The following SOX9 variants were observed in gnomAD, a reference collection of about 807,000 sequenced individuals.
The protein encoded by SOX9 is SRY-box transcription factor 9.
In SOX9, 2 loss-of-function variants were observed where a neutral mutation model predicts 44.8. The ratio of observed to expected loss-of-function variants is 0.04; its 90% confidence interval spans 0.02 to 0.14. The LOEUF is 0.14. Among genes scored for constraint, SOX9 ranks in the 10% least tolerant of loss-of-function variants. The pLI, the probability that SOX9 is intolerant of heterozygous loss-of-function variation, is 1.00. For synonymous variants in SOX9, 381 were observed against 331.8 expected, an observed-to-expected ratio of 1.15 and a Z score of -1.61; for missense variants, 583 against 728.6, an observed-to-expected ratio of 0.80 and a Z score of 2.30.
rs2143257468 is a variant in SOX9, at chr17:72,124,241, C to T, written c.1384C>T (p.Leu462Phe). Residue 462 changes from leucine (L) to phenylalanine (F), a missense_variant, in exon 3 of 3, where the codon CTC becomes TTC. Physicochemically the swap from Leu to Phe is conservative, Grantham distance 22 (BLOSUM62 0). Transcript: ENST00000245479. This position sits in a 1 kb window ranked among gnomAD's most constrained non-coding sequence, Gnocchi z 4.6. ...CCACGCGGCAGGCCAGGGCACCGGC[C>T]TCTACTCCACCTTCACCTACATGAA... is the stretch of plus-strand genomic sequence containing the variant. ...YSHAAGQGTG[L>F]YSTFTYMNPA... 10 of 1,613,756 alleles carry T rather than the reference C, an allele frequency of 6.2e-6. No individual in the cohort carries two copies. The highest frequency in any genetic ancestry group is 8.5e-6 in the Non-Finnish European group (10 of 1,180,016).
rs2143260257 is a variant in SOX9, at chr17:72,124,485, T to C, written c.*98T>C. 11 of 1,444,738 alleles carry C rather than the reference T, an allele frequency of 7.6e-6. No individual in the cohort carries two copies. The highest frequency in any genetic ancestry group is 3.4e-5 in the South Asian group (3 of 87,024). The allele number at this position is 1,444,738 out of a possible 1,614,324, so 89.5% of individuals were successfully genotyped here. On this transcript the variant is annotated 3_prime_UTR_variant, in exon 3 of 3. Coordinates refer to ENST00000245479, the MANE Select transcript of SOX9 (RefSeq NM_000346.4). This position sits in a 1 kb window ranked among gnomAD's most constrained non-coding sequence, Gnocchi z 4.6. ...GAATTCCCTTTGGACATTTGTGTTT[T>C]TTTGTTTTTTTATTTTGTTTTGTTT...
In SOX9 at chr17:72,122,815, G is replaced by T. The variant is rs753404357; in HGVS notation, c.528G>T (p.Pro176=). ...ACCACCCGGATTACAAGTACCAGCC[G>T]CGGCGGAGGAAGTCGGTGAAGAACG... ...KKDHPDYKYQ[P]RRRKSVKNGQ... The change falls in exon 2 of 3, where the codon CCG becomes CCT. Residue 176 remains proline, a synonymous_variant. Transcript: ENST00000245479. The T allele has an allele frequency of 6.2e-7, 1 of 1,614,064 alleles. No individual in the cohort carries two copies. Among genetic ancestry groups the T allele is most frequent in the Non-Finnish European group, 8.5e-7 (1 of 1,180,036 alleles).
chr17:72,124,488 T>G lies in SOX9; in HGVS notation c.*101T>G, dbSNP rs1167807166. 2 of 1,437,896 alleles carry G rather than the reference T, an allele frequency of 1.4e-6. No homozygotes were observed. The highest frequency in any genetic ancestry group is 1.9e-6 in the Non-Finnish European group (2 of 1,039,188). The allele number at this position is 1,437,896 out of a possible 1,614,324, so 89.1% of individuals were successfully genotyped here. On this transcript the variant is annotated 3_prime_UTR_variant, in exon 3 of 3. Transcript: ENST00000245479. This position sits in a 1 kb window ranked among gnomAD's most constrained non-coding sequence, Gnocchi z 4.6. ...TTCCCTTTGGACATTTGTGTTTTTTTGTTTTTTTATTTTGTTTTGTTTTTT... is the reference window on the plus strand; with the variant it reads ...TTCCCTTTGGACATTTGTGTTTTTTGGTTTTTTTATTTTGTTTTGTTTTTT...
rs1908248308 is a variant in SOX9, at chr17:72,125,282, T to A, written c.*895T>A. ...AAACATTTGCACTCTTTTAGTGCAT[T>A]TCCTCCTGCCTTTGCTTGTTCACTG... is the stretch of plus-strand genomic sequence containing the variant. On this transcript the variant is annotated 3_prime_UTR_variant, in exon 3 of 3. Transcript: ENST00000245479. 1 of 228,494 alleles carries A rather than the reference T, an allele frequency of 4.4e-6. No individual in the cohort carries two copies. The highest frequency in any genetic ancestry group is 8.7e-6 in the Non-Finnish European group (1 of 114,948). 14.2% of individuals were successfully genotyped at this position (228,494 alleles called of 1,614,324 possible).
rs763744617 is a variant in SOX9 at position 72,124,111 on chromosome 17, C to G, written c.1254C>G (p.Ile418Met). The G allele has an allele frequency of 2.4e-5, 38 of 1,613,814 alleles. No homozygotes were observed. The highest frequency in any genetic ancestry group is 3.1e-5 in the Non-Finnish European group (36 of 1,179,990). Residue 418 changes from isoleucine to methionine, a missense_variant, in exon 3 of 3, where the codon ATC (isoleucine) becomes ATG (methionine). Transcript: ENST00000245479. The surrounding 1 kb of genome is among the most constrained non-coding windows in gnomAD (Gnocchi z 4.6). ...AGCAGCAGCACTCGCCCCAACAGAT[C>G]GCCTACAGCCCCTTCAACCTCCCAC... ...SEQQQHSPQQ[I>M]AYSPFNLPHY...
rs1003179000 is a variant in SOX9 at position 72,126,206 on chromosome 17, G to C, written c.*1819G>C. On this transcript the variant is annotated 3_prime_UTR_variant, in exon 3 of 3. Transcript: ENST00000245479. Reference sequence around the variant, plus strand: ...GTATAAAAGCAGATCTTTTTAAAAAGATACTTCTGTAACTTAAGAAACCTG... The same window carrying C: ...GTATAAAAGCAGATCTTTTTAAAAACATACTTCTGTAACTTAAGAAACCTG... The C allele has an allele frequency of 7.3e-5, 17 of 232,618 alleles. No individual in the cohort carries two copies. Among genetic ancestry groups the C allele is most frequent in the Non-Finnish European group, 8.5e-6 (1 of 117,606 alleles). 14.4% of individuals were successfully genotyped at this position (232,618 alleles called of 1,614,324 possible).
At position 72,122,986 on chromosome 17, in the gene SOX9, C is replaced by T. The variant is rs573565478; in HGVS notation, c.685+14C>T. The T allele has an allele frequency of 2.0e-5, 32 of 1,611,176 alleles. No homozygotes were observed. The African/African-American group carries it at 3.9e-4, about 19-fold the overall frequency. On this transcript the variant is annotated intron_variant, in intron 2 of 2. Coordinates refer to ENST00000245479, the MANE Select transcript of SOX9 (RefSeq NM_000346.4). ...GCGAGCACTCGGGTGAGTCGCCCCT[C>T]GACCCCACCGGACAAGCTATCTCCG... is the stretch of plus-strand genomic sequence containing the variant.
chr17:72,124,297 C>T lies in SOX9; in HGVS notation c.1440C>T (p.Ile480=), dbSNP rs2143258088. Residue 480 remains isoleucine (I), a synonymous_variant, in exon 3 of 3, where the codon ATC becomes ATT. Transcript: ENST00000245479. The surrounding 1 kb of genome is among the most constrained non-coding windows in gnomAD (Gnocchi z 4.6). ...NPAQRPMYTP[I]ADTSGVPSIP... ...CTCAGCGCCCCATGTACACCCCCATCGCCGACACCTCTGGGGTCCCTTCCA... is the reference window on the plus strand; with the variant it reads ...CTCAGCGCCCCATGTACACCCCCATTGCCGACACCTCTGGGGTCCCTTCCA... 1 of 1,609,328 alleles carries T rather than the reference C, an allele frequency of 6.2e-7. No homozygotes were observed.
rs1177636054 is a variant in SOX9, at chr17:72,124,035, AGCGAAC to A, written c.1181_1186del (p.Arg394_Thr395del). The A allele has an allele frequency of 3.1e-6, 5 of 1,610,376 alleles. No homozygotes were observed. Among genetic ancestry groups the A allele is most frequent in the Non-Finnish European group, 4.2e-6 (5 of 1,178,206 alleles). On this transcript the variant is annotated inframe_deletion, in exon 3 of 3. Transcript: ENST00000245479. The surrounding 1 kb of genome is among the most constrained non-coding windows in gnomAD (Gnocchi z 4.6). Reference sequence around the variant, plus strand: ...CTGAGCAGCGAGCCGGGCCAGTCCCAGCGAACGCACATCAAGACGGAGCAGCTGAGC... The same window carrying A: ...CTGAGCAGCGAGCCGGGCCAGTCCCAGCACATCAAGACGGAGCAGCTGAGC...
rs1018367187 is a variant in SOX9, at chr17:72,125,055, T to C, written c.*668T>C. 4.4e-5 allele frequency: 10 copies of C among 226,506 alleles called. No individual in the cohort carries two copies. The highest frequency in any genetic ancestry group is 2.2e-4 in the African/African-American group (10 of 44,818). The allele number at this position is 226,506 out of a possible 1,614,324, so 14.0% of individuals were successfully genotyped here. A position where few individuals can be genotyped will look rare whatever the true frequency, so the allele number is the denominator to read the frequency against. On this transcript the variant is annotated 3_prime_UTR_variant, in exon 3 of 3. Transcript: ENST00000245479. ...AACATTTAAAAACAGAATTGTGTTA[T>C]GTGATCAGTTTTGGGGGTTAACTTT...
At position 72,125,293 on chromosome 17, in the gene SOX9, T is replaced by G. The variant is rs886053355; in HGVS notation, c.*906T>G. On this transcript the variant is annotated 3_prime_UTR_variant, in exon 3 of 3. Transcript: ENST00000245479. ...CTCTTTTAGTGCATTTCCTCCTGCC[T>G]TTGCTTGTTCACTGCAGTCTTAAGA... The G allele has an allele frequency of 4.4e-6, 1 of 228,150 alleles. No individual in the cohort carries two copies. The highest frequency in any genetic ancestry group is 8.7e-6 in the Non-Finnish European group (1 of 114,742). The allele number at this position is 228,150 out of a possible 1,614,324, so 14.1% of individuals were successfully genotyped here.
Position 72,122,819 on chromosome 17 carries a change from C to A in SOX9, c.532C>A (p.Arg178=), listed in dbSNP as rs764972567. The change falls in exon 2 of 3, where the codon CGG becomes AGG. Residue 178 remains arginine, a synonymous_variant. Transcript: ENST00000245479. The stretch of plus-strand genomic sequence containing the variant: ...CCCGGATTACAAGTACCAGCCGCGG[C>A]GGAGGAAGTCGGTGAAGAACGGGCA... ...DHPDYKYQPR[R]RKSVKNGQAE... 1.9e-6 allele frequency: 3 copies of A among 1,614,140 alleles called. No individual in the cohort carries two copies. The highest frequency in any genetic ancestry group is 2.5e-6 in the Non-Finnish European group (3 of 1,180,012).
At position 72,126,020 on chromosome 17, in the gene SOX9, G is replaced by T. The variant is rs1007838832; in HGVS notation, c.*1633G>T. 1 of 232,164 alleles carries T rather than the reference G, an allele frequency of 4.3e-6. No homozygotes were observed. Among genetic ancestry groups the T allele is most frequent in the Non-Finnish European group, 8.5e-6 (1 of 117,504 alleles). The allele number at this position is 232,164 out of a possible 1,614,324, so 14.4% of individuals were successfully genotyped here. ...CCTGGAGGGGATCAGCCCACTGACA[G>T]ACCTTAATCTTAATTACTGCTGTGG... is the stretch of plus-strand genomic sequence containing the variant. On this transcript the variant is annotated 3_prime_UTR_variant, in exon 3 of 3. Transcript: ENST00000245479.
In SOX9 at chr17:72,126,136, G is replaced by A. The variant is rs1908277525; in HGVS notation, c.*1749G>A. 1 of 232,302 alleles carries A rather than the reference G, an allele frequency of 4.3e-6. No homozygotes were observed. The highest frequency in any genetic ancestry group is 8.5e-6 in the Non-Finnish European group (1 of 117,340). 14.4% of individuals were successfully genotyped at this position (232,302 alleles called of 1,614,324 possible). On this transcript the variant is annotated 3_prime_UTR_variant, in exon 3 of 3. Transcript: ENST00000245479. ...ATATTAACAGTTTTAGAAGTCAGTA[G>A]AATAAAATCTTAAAGCACTCATAAT...
chr17:72,124,015 C>T lies in SOX9; in HGVS notation c.1158C>T (p.Ser386=), dbSNP rs1174348709. The change falls in exon 3 of 3, where the codon AGC becomes AGT. Residue 386 remains serine (S), a synonymous_variant. Transcript: ENST00000245479. The surrounding 1 kb of genome is among the most constrained non-coding windows in gnomAD (Gnocchi z 4.6). ...AGGCGCACACGCTGACCACGCTGAG[C>T]AGCGAGCCGGGCCAGTCCCAGCGAA... is the stretch of plus-strand genomic sequence containing the variant. ...QPQAHTLTTL[S]SEPGQSQRTH... 2.5e-6 allele frequency: 4 copies of T among 1,605,700 alleles called. No homozygotes were observed. The highest frequency in any genetic ancestry group is 3.4e-6 in the Non-Finnish European group (4 of 1,176,256).
rs1431196709 is a variant in SOX9 at position 72,124,012 on chromosome 17, G to A, written c.1155G>A (p.Leu385=). ...CACAGGCGCACACGCTGACCACGCT[G>A]AGCAGCGAGCCGGGCCAGTCCCAGC... The part of the protein sequence containing the change: ...QQPQAHTLTT[L]SSEPGQSQRT... Residue 385 remains leucine (L), a synonymous_variant, in exon 3 of 3, where the codon CTG becomes CTA. Transcript: ENST00000245479. This position sits in a 1 kb window ranked among gnomAD's most constrained non-coding sequence, Gnocchi z 4.6. The A allele has an allele frequency of 1.2e-6, 2 of 1,605,794 alleles. No homozygotes were observed. Among genetic ancestry groups the A allele is most frequent in the South Asian group, 2.2e-5 (2 of 90,676 alleles).
rs768573623 is a variant in SOX9, at chr17:72,125,345, T to C, written c.*958T>C. On this transcript the variant is annotated 3_prime_UTR_variant, in exon 3 of 3. Transcript: ENST00000245479. ...AGAGGTAAAAGGCAAGCAAAGGAGA[T>C]GAAATCTGTTCTGGGAATGTTTCAG... 9 of 228,070 alleles carry C rather than the reference T, an allele frequency of 3.9e-5. No homozygotes were observed. Among genetic ancestry groups the C allele is most frequent in the African/African-American group, 6.7e-5 (3 of 44,998 alleles). The allele number at this position is 228,070 out of a possible 1,614,324, so 14.1% of individuals were successfully genotyped here.
chr17:72,121,317 C>T lies in SOX9; in HGVS notation c.-75C>T. On this transcript the variant is annotated 5_prime_UTR_variant, in exon 1 of 3. Coordinates refer to ENST00000245479, the MANE Select transcript of SOX9 (RefSeq NM_000346.4). The surrounding 1 kb of genome is among the most constrained non-coding windows in gnomAD (Gnocchi z 8.3). ...ATCCGGGCAGCCGAGGGGAGAGGAG[C>T]CCGCGCCTCGAGTCCCCGAGCCGCC... 3 of 1,368,368 alleles carry T rather than the reference C, an allele frequency of 2.2e-6. No homozygotes were observed. 84.8% of individuals were successfully genotyped at this position (1,368,368 alleles called of 1,614,324 possible). A position where few individuals can be genotyped will look rare whatever the true frequency, so the allele number is the denominator to read the frequency against.
At position 72,124,924 on chromosome 17, in the gene SOX9, A is replaced by T; in HGVS notation, c.*537A>T. On this transcript the variant is annotated 3_prime_UTR_variant, in exon 3 of 3. Coordinates refer to ENST00000245479, the MANE Select transcript of SOX9 (RefSeq NM_000346.4). The surrounding 1 kb of genome is among the most constrained non-coding windows in gnomAD (Gnocchi z 4.6). ...AAATGCTCTTATTTTTCCAACAGCTAAACTACTCTTAGTTGAACAGTGTGC... is the reference window on the plus strand; with the variant it reads ...AAATGCTCTTATTTTTCCAACAGCTTAACTACTCTTAGTTGAACAGTGTGC... 4.1e-6 allele frequency: 1 copy of T among 242,448 alleles called. No homozygotes were observed. The highest frequency in any genetic ancestry group is 8.2e-6 in the Non-Finnish European group (1 of 121,896). The allele number at this position is 242,448 out of a possible 1,614,324, so 15.0% of individuals were successfully genotyped here.
Sources: gnomAD v4.1 joint callset for allele counts on GRCh38, gnomAD v4.1.1 for gene constraint, Gnocchi (gnomAD v3.1) non-coding constraint, MANE v1.5 for transcripts, NCBI Gene and HGNC (gene_info 2026-07-23, HGNC 2026-07-21) for gene names.